The following WRN variants were observed in gnomAD, a reference collection of about 807,000 sequenced individuals.
The protein encoded by WRN is bifunctional 3'-5' exonuclease/ATP-dependent helicase WRN.
In WRN, 149 loss-of-function variants were observed where a neutral mutation model predicts 180.7. The observed-to-expected ratio is 0.82, with a 90% CI of 0.72 to 0.94. The LOEUF (loss-of-function observed/expected upper bound fraction) is 0.94. Among genes scored for constraint, WRN ranks in the 40% least tolerant of loss-of-function variants. WRN has a pLI of 0.00. For synonymous variants in WRN, 548 were observed against 568.9 expected, an observed-to-expected ratio of 0.96 and a Z score of 0.52; for missense variants, 1,661 against 1,700.1, an observed-to-expected ratio of 0.98 and a Z score of 0.40.
intron 31 of WRN, among the ~76,000 whole-genome samples, chr8:31,152,382 T>A (rs1803172818): frequency 6.6e-6 from 1 of 151,922 alleles, no homozygotes; most frequent in South Asian, 2.1e-4. Flanking sequence ...TGTACAAATA[T>A]TATTTATTTT....
At chr8:31,140,214 G>A (rs1802566656) in intron 24 of WRN, among the ~76,000 whole-genome samples, 2 of 151,398 alleles carry the variant, frequency 1.3e-5, no homozygotes, top group African/African-American at 4.9e-5. Context: ...TTTATTTTTT[G>A]TAGAGATGTG....
intron 33 of WRN, among the ~76,000 whole-genome samples, chr8:31,165,435 A>C (rs1376105037): frequency 6.6e-6 from 1 of 152,142 alleles, no homozygotes; most frequent in Admixed American, 6.5e-5. Context: ...ATGCAATTTT[A>C]AATTTTCTAG....
At chr8:31,082,154 AT>A (rs1256575141) in intron 9 of WRN, among the ~76,000 whole-genome samples, 1 of 151,950 alleles carries the variant, frequency 6.6e-6, no homozygotes, top group Admixed American at 6.6e-5. Flanking sequence ...TCAGAGTCAG[AT>A]TTTTTCCTTA....
At chr8:31,131,231 C>G (rs899036017) in intron 23 of WRN, among the ~76,000 whole-genome samples, 9 of 146,298 alleles carry the variant, frequency 6.2e-5, no homozygotes, top group Non-Finnish European at 1.0e-4. Context: ...TCTTGGCTCA[C>G]TGCAACCTCC....
chr8:31,147,581 G>GA, intron 30 of WRN, 105 bp downstream of exon 30: 3 of 1,053,606 alleles, frequency 2.8e-6, no homozygotes, highest in Non-Finnish European at 4.3e-6. Flanking sequence ...TGTCACATCT[G>GA]GGAGGTGACT....
chr8:31,107,983 G>A (rs889128895), intron 18 of WRN, among the ~76,000 whole-genome samples: 8 of 152,226 alleles, frequency 5.3e-5, no homozygotes, highest in Admixed American at 3.9e-4. Context: ...TGAAGTATGT[G>A]TGATGTTATG....
chr8:31,062,955 CA>C (rs1812549499), intron 3 of WRN, among the ~76,000 whole-genome samples: 2 of 152,074 alleles, frequency 1.3e-5, no homozygotes, highest in Non-Finnish European at 2.9e-5. Flanking sequence ...CTCAGCCTCT[CA>C]AGTAGCTACA....
rs1213739567 is a variant in WRN at position 31,175,370 on chromosome 8, G to A, written c.*2268G>A. The stretch of plus-strand genomic sequence containing the variant: ...GAATCGCTTGAACTCAGGAGGCGGA[G>A]ATTGCAGTGAGCTGAGACTGCGCCA... On this transcript the variant is annotated 3_prime_UTR_variant, in exon 35 of 35. Coordinates refer to ENST00000298139, the MANE Select transcript of WRN (RefSeq NM_000553.6). Among the ~76,000 whole-genome samples the A allele has an allele frequency of 1.3e-5, 2 of 152,160 alleles. No homozygotes were observed. Among genetic ancestry groups the A allele is most frequent in the Admixed American group, 6.5e-5 (1 of 15,286 alleles).
Position 31,175,263 on chromosome 8 carries a change from C to T in WRN, c.*2161C>T, listed in dbSNP as rs1389264464. 3.9e-5 allele frequency among the ~76,000 whole-genome samples: 6 copies of T among 151,918 alleles called. No individual in the cohort carries two copies. Among genetic ancestry groups the T allele is most frequent in the East Asian group, 1.9e-4 (1 of 5,150 alleles). On this transcript the variant is annotated 3_prime_UTR_variant, in exon 35 of 35. Coordinates refer to ENST00000298139, the MANE Select transcript of WRN (RefSeq NM_000553.6). ...CACCCTGGCCAACATGGTGAAACCC[C>T]GTCTCTACTAAAAATACAAAAATTA... is the stretch of plus-strand genomic sequence containing the variant.
At chr8:31,151,039 A>G (rs1025137330) in intron 31 of WRN, among the ~76,000 whole-genome samples, 11 of 152,224 alleles carry the variant, frequency 7.2e-5, no homozygotes, top group Admixed American at 2.0e-4. Flanking sequence ...CATACTCTGC[A>G]GAAGGTGAGG....
intron 16 of WRN, 40 bp from the exon 17 acceptor site, chr8:31,096,728 G>GTTTTTTTTTTTTTTTTTTTT: frequency 8.6e-7 from 1 of 1,160,222 alleles, no homozygotes. Flanking sequence ...TTCCCTTCCT[G>GTTTTTTTTTTTTTTTTTTTT]TTTTTTTTTT....
intron 9 of WRN, among the ~76,000 whole-genome samples, chr8:31,082,490 T>A (rs903577109): frequency 1.3e-5 from 2 of 152,218 alleles, no homozygotes; most frequent in South Asian, 2.1e-4. Flanking sequence ...CTGGGAAATA[T>A]CAGTTTTTGC....
chr8:31,125,024 G>A (rs761948730), intron 23 of WRN, 24 bp downstream of exon 23: 1 of 1,595,054 alleles, frequency 6.3e-7, no homozygotes, highest in South Asian at 1.1e-5. Context: ...ATTATAGATG[G>A]ACATTCTAAA....
intron 1 of WRN, among the ~76,000 whole-genome samples, chr8:31,053,386 C>T (rs1215808311): frequency 6.6e-6 from 1 of 152,166 alleles, no homozygotes; most frequent in Non-Finnish European, 1.5e-5. Flanking sequence ...TTTGGAATTT[C>T]ACATTAAATG....
At chr8:31,133,053 C>T (rs1421646344) in intron 24 of WRN, among the ~76,000 whole-genome samples, 5 of 151,982 alleles carry the variant, frequency 3.3e-5, no homozygotes, top group Admixed American at 3.3e-4. Context: ...CAATTAAATT[C>T]AGTTACTTTT....
At chr8:31,034,956 C>T (rs1811391897) in intron 1 of WRN, among the ~76,000 whole-genome samples, 1 of 152,176 alleles carries the variant, frequency 6.6e-6, no homozygotes, top group South Asian at 2.1e-4. Flanking sequence ...AATTATCCAG[C>T]TCAGACCGGG....
At chr8:31,052,679 G>A (rs1017201828) in intron 1 of WRN, among the ~76,000 whole-genome samples, 1 of 152,062 alleles carries the variant, frequency 6.6e-6, no homozygotes, top group East Asian at 1.9e-4. Flanking sequence ...GAGCCACTGC[G>A]CCTTAATTTT....
chr8:31,149,091 C>G (rs1212505997), intron 30 of WRN, among the ~76,000 whole-genome samples: 1 of 152,112 alleles, frequency 6.6e-6, no homozygotes, highest in Non-Finnish European at 1.5e-5. Context: ...GACACTAATT[C>G]TTTTGTTAAA....
At chr8:31,153,354 T>C (rs1240497045) in intron 31 of WRN, among the ~76,000 whole-genome samples, 2 of 152,112 alleles carry the variant, frequency 1.3e-5, no homozygotes, top group African/African-American at 4.8e-5. Context: ...GTTGCCATAG[T>C]GGGGTGACCA....
Sources: allele counts gnomAD v4.1 joint callset (sites outside exome capture counted in the v4.1 genomes callset), GRCh38; gene constraint gnomAD v4.1.1; transcripts MANE v1.5; gene names NCBI Gene and HGNC (gene_info 2026-07-23, HGNC 2026-07-21).